Variants in DPP10 observed in about 807,000 individuals in gnomAD.
The protein encoded by DPP10 is inactive dipeptidyl peptidase 10.
In DPP10, 33 loss-of-function variants were observed where a neutral mutation model predicts 120.9. The observed-to-expected ratio is 0.27, with a 90% CI of 0.21 to 0.37. DPP10 has a LOEUF of 0.37. Among genes scored for constraint, DPP10 ranks in the 10% least tolerant of loss-of-function variants. DPP10 has a pLI of 1.00. For missense variants in DPP10, 816 were observed against 942.8 expected (o/e 0.87, Z 1.76); for synonymous variants, 337 against 326.1 (o/e 1.03, Z -0.36).
At chr2:115,607,451 A>G (rs1239210504) in intron 5 of DPP10, among the ~76,000 whole-genome samples, 1 of 152,174 alleles carries the variant, frequency 6.6e-6, no homozygotes, top group East Asian at 1.9e-4. Context: ...AAAATACATG[A>G]GCGTTTTAGT....
chr2:115,034,726 C>T (rs1704102643), intron 1 of DPP10, among the ~76,000 whole-genome samples: 1 of 152,208 alleles, frequency 6.6e-6, no homozygotes. Flanking sequence ...TTGCCATTGA[C>T]TTCTCACTCT....
chr2:115,412,605 T>G (rs1232403386), intron 3 of DPP10, among the ~76,000 whole-genome samples: 1 of 152,188 alleles, frequency 6.6e-6, no homozygotes, highest in South Asian at 2.1e-4. Context: ...ATAATCTTTG[T>G]TTCCTTTATA....
chr2:115,105,530 A>G (rs1034366799), intron 1 of DPP10, among the ~76,000 whole-genome samples: 10 of 152,166 alleles, frequency 6.6e-5, no homozygotes, highest in Non-Finnish European at 1.3e-4. Context: ...ATTCATTACC[A>G]TGGTGACAGC....
chr2:114,626,058 G>A (rs911045228), intron 1 of DPP10, among the ~76,000 whole-genome samples: 1 of 151,002 alleles, frequency 6.6e-6, no homozygotes, highest in Non-Finnish European at 1.5e-5. Context: ...TCAAATTTAG[G>A]GTTACAGTAT....
At chr2:114,481,379 C>T (rs1226116056) in intron 1 of DPP10, among the ~76,000 whole-genome samples, 1 of 151,746 alleles carries the variant, frequency 6.6e-6, no homozygotes, top group East Asian at 1.9e-4. Flanking sequence ...ATCATGATAC[C>T]CCTATCACAA....
intron 19 of DPP10, among the ~76,000 whole-genome samples, chr2:115,799,502 T>A (rs13015706): frequency 0.26 from 39,967 of 151,700 alleles, 5,608 homozygotes; most frequent in Middle Eastern, 0.44. Flanking sequence ...CTTACATATG[T>A]ATACATGTGC....
intron 1 of DPP10, among the ~76,000 whole-genome samples, chr2:114,591,555 T>C (rs1284591964): frequency 1.1e-5 from 1 of 88,682 alleles, no homozygotes; most frequent in African/African-American, 4.4e-5. Context: ...CCTCTTCCTA[T>C]TTTTTTTTTT....
intron 1 of DPP10, among the ~76,000 whole-genome samples, chr2:114,641,138 T>C (rs1387226377): frequency 6.6e-6 from 1 of 151,990 alleles, no homozygotes; most frequent in African/African-American, 2.4e-5. Context: ...TTAATAACAA[T>C]AAAACGGTGG....
intron 3 of DPP10, among the ~76,000 whole-genome samples, chr2:115,398,472 T>C (rs563245658): frequency 4.0e-4 from 61 of 152,226 alleles, no homozygotes; most frequent in African/African-American, 1.4e-3. Flanking sequence ...TTGGTAATTA[T>C]TGTTCTTATT....
intron 3 of DPP10, among the ~76,000 whole-genome samples, chr2:115,372,637 G>T (rs976888755): frequency 8.5e-5 from 13 of 152,148 alleles, no homozygotes; most frequent in African/African-American, 3.1e-4. Context: ...TACTGATTCA[G>T]CAACTGAATG....
rs183950917 is a variant in DPP10 at position 115,064,578 on chromosome 2, T to C, written c.61-244661T>C. 6.4e-4 allele frequency: 729 copies of C among 1,145,454 alleles called. 1 individual carries two copies. The highest frequency in any genetic ancestry group is 1.2e-3 in the Admixed American group (45 of 36,666). The allele number at this position is 1,145,454 out of a possible 1,614,324, so 71.0% of individuals were successfully genotyped here. On this transcript the variant is annotated intron_variant, in intron 1 of 25. Transcript: ENST00000410059. ...CCCACCACCCACCCCTACACACACA[T>C]ATTTCGGTTGGACATAGGTGGGCAC...
intron 5 of DPP10, among the ~76,000 whole-genome samples, chr2:115,548,683 G>A (rs1234537570): frequency 6.6e-6 from 1 of 152,054 alleles, no homozygotes; most frequent in Non-Finnish European, 1.5e-5. Flanking sequence ...TCAGTAATTA[G>A]ACACATAAAA....
intron 8 of DPP10, among the ~76,000 whole-genome samples, chr2:115,738,387 C>A (rs532369737): frequency 6.6e-6 from 1 of 152,152 alleles, no homozygotes; most frequent in East Asian, 1.9e-4. Flanking sequence ...AAGAACCATG[C>A]GAACTTGTTT....
At chr2:114,587,131 A>G (rs944439581) in intron 1 of DPP10, among the ~76,000 whole-genome samples, 10 of 151,800 alleles carry the variant, frequency 6.6e-5, no homozygotes, top group South Asian at 6.2e-4. Flanking sequence ...CCCCATCTCT[A>G]CTAAAAATAC....
At chr2:115,149,551 G>T (rs918796174) in intron 1 of DPP10, among the ~76,000 whole-genome samples, 2 of 152,116 alleles carry the variant, frequency 1.3e-5, no homozygotes, top group African/African-American at 4.8e-5. Flanking sequence ...GCTTTTCAAG[G>T]TTAACTTTTG....
At chr2:114,985,250 C>T (rs1478602046) in intron 1 of DPP10, among the ~76,000 whole-genome samples, 1 of 152,098 alleles carries the variant, frequency 6.6e-6, no homozygotes, top group African/African-American at 2.4e-5. Context: ...GAATGCTCTT[C>T]CCTAGCTCTT....
intron 1 of DPP10, among the ~76,000 whole-genome samples, chr2:114,917,017 C>T (rs911746856): frequency 2.6e-5 from 4 of 152,110 alleles, no homozygotes; most frequent in Admixed American, 6.5e-5. Context: ...TAGGAAGAGA[C>T]GAAGTCAAAC....
intron 3 of DPP10, among the ~76,000 whole-genome samples, chr2:115,376,983 G>C (rs1233454963): frequency 1.3e-5 from 2 of 148,626 alleles, no homozygotes; most frequent in African/African-American, 2.5e-5. Context: ...CCAAGTCTTT[G>C]CTATTGTGAA....
At chr2:114,470,480 C>T (rs1308053420) in intron 1 of DPP10, among the ~76,000 whole-genome samples, 2 of 152,272 alleles carry the variant, frequency 1.3e-5, no homozygotes, top group East Asian at 3.9e-4. Flanking sequence ...TCTACATAAA[C>T]CTATTGGGAC....
Sources: gnomAD v4.1 joint callset for allele counts (sites outside exome capture counted in the v4.1 genomes callset) on GRCh38, gnomAD v4.1.1 for gene constraint, MANE v1.5 for transcripts, NCBI Gene and HGNC (gene_info 2026-07-23, HGNC 2026-07-21) for gene names.